Variants in INTS8 observed in about 807,000 individuals in gnomAD.
INTS8 encodes the protein protein kaonashi-1.
In INTS8, 47 loss-of-function variants were observed where a neutral mutation model predicts 138.9. The ratio of observed to expected loss-of-function variants is 0.34; its 90% CI spans 0.27 to 0.43. The LOEUF is 0.43. INTS8 is among the 20% of genes least tolerant of loss of function. INTS8 has a pLI of 1.00. For missense variants in INTS8, 996 were observed against 1,173.0 expected (o/e 0.85, Z 2.20); for synonymous variants, 392 against 400.9 (o/e 0.98, Z 0.27).
chr8:94,846,138 T>C (rs112759713), intron 10 of INTS8, among the ~76,000 whole-genome samples: 2,404 of 152,330 alleles, frequency 0.016, 62 homozygotes, highest in African/African-American at 0.055. Context: ...AATTTAACTT[T>C]CTAATAATTT....
In INTS8 at chr8:94,826,933, G is replaced by A. The variant is rs564001286; in HGVS notation, c.306-330G>A. On this transcript the variant is annotated intron_variant, in intron 2 of 26. Transcript: ENST00000523731. ...ATCCTGGCTAACATGGTGAAACCCCGTCTCTACTAAAAACACAAAAAATTA... is the reference window on the plus strand; with the variant it reads ...ATCCTGGCTAACATGGTGAAACCCCATCTCTACTAAAAACACAAAAAATTA... 3.3e-5 allele frequency among the ~76,000 whole-genome samples: 5 copies of A among 152,058 alleles called. No homozygotes were observed. The East Asian group carries it at 9.7e-4, about 29-fold the overall frequency.
At chr8:94,830,151 C>T (rs1230239623) in intron 5 of INTS8, among the ~76,000 whole-genome samples, 1 of 152,212 alleles carries the variant, frequency 6.6e-6, no homozygotes, top group Admixed American at 6.5e-5. Context: ...CCACCTTGGC[C>T]TTCCAAAGTG....
rs1816509966 is a variant in INTS8, at chr8:94,874,578, T to C, written c.2664T>C (p.Cys888=). ...DQVIKRMIKC[C]SLLNCHTQVA... ...TAATAAAACGAATGATAAAATGTTG[T>C]TCTTTGCTGAATTGCCACACACAGG... The change falls in exon 23 of 27, where the codon TGT becomes TGC. Residue 888 remains cysteine, a synonymous_variant. Coordinates refer to ENST00000523731, the MANE Select transcript of INTS8 (RefSeq NM_017864.4). The C allele has an allele frequency of 6.3e-7, 1 of 1,586,538 alleles. No homozygotes were observed. Among genetic ancestry groups the C allele is most frequent in the Non-Finnish European group, 8.7e-7 (1 of 1,155,588 alleles).
chr8:94,849,785 T>C (rs1336697151), intron 11 of INTS8, 131 bp from the exon 12 acceptor site: 1 of 654,878 alleles, frequency 1.5e-6, no homozygotes, highest in Non-Finnish European at 2.5e-6. Context: ...TTAAAATCTA[T>C]TTTAAAATAT....
intron 14 of INTS8, among the ~76,000 whole-genome samples, chr8:94,855,780 A>C (rs1278219832): frequency 6.6e-6 from 1 of 152,260 alleles, no homozygotes; most frequent in East Asian, 1.9e-4. Flanking sequence ...TTAATGTGGA[A>C]GGCAAGATAG....
At chr8:94,851,406 T>C (rs1815540336) in intron 12 of INTS8, 147 bp from the exon 13 acceptor site, 1 of 436,900 alleles carries the variant, frequency 2.3e-6, no homozygotes, top group Non-Finnish European at 3.8e-6. Flanking sequence ...AGTTAATGTG[T>C]AATTTATACA....
In INTS8 at chr8:94,876,104, A is replaced by G. The variant is rs757369899; in HGVS notation, c.2719A>G (p.Ile907Val). The part of the protein sequence containing the change: ...VAILCQFLRE[I>V]DYKTAFKSLQ... ...CATTTTATGTCAGTTCCTCAGAGAA[A>G]TTGACTACAAAACAGCGTTTAAATC... is the stretch of plus-strand genomic sequence containing the variant. Residue 907 changes from isoleucine to valine, a missense_variant, in exon 24 of 27, where the codon ATT (isoleucine) becomes GTT (valine). Coordinates refer to ENST00000523731, the MANE Select transcript of INTS8 (RefSeq NM_017864.4). 6 of 1,611,096 alleles carry G rather than the reference A, an allele frequency of 3.7e-6. No homozygotes were observed. Among genetic ancestry groups the G allele is most frequent in the Non-Finnish European group, 4.2e-6 (5 of 1,177,532 alleles).
At chr8:94,839,529 A>T (rs1441844083) in intron 8 of INTS8, among the ~76,000 whole-genome samples, 1 of 152,142 alleles carries the variant, frequency 6.6e-6, no homozygotes, top group African/African-American at 2.4e-5. Context: ...TTCACAGAAA[A>T]TAGGTGAAGA....
In INTS8 at chr8:94,823,339, C is replaced by T. The variant is rs1209609367; in HGVS notation, c.-93C>T. 6.6e-6 allele frequency: 10 copies of T among 1,510,750 alleles called. No individual in the cohort carries two copies. The Middle Eastern group carries it at 5.1e-4, about 78-fold the overall frequency. The allele number at this position is 1,510,750 out of a possible 1,614,324, so 93.6% of individuals were successfully genotyped here. The stretch of plus-strand genomic sequence containing the variant: ...GACGTTCGGAGGGTGGCCTCTCTCC[C>T]ACCGGGTTCCGCATACCCCAGGCAC... On this transcript the variant is annotated 5_prime_UTR_variant, in exon 1 of 27. Coordinates refer to ENST00000523731, the MANE Select transcript of INTS8 (RefSeq NM_017864.4).
chr8:94,858,748 C>T (rs1815845097), intron 15 of INTS8, among the ~76,000 whole-genome samples: 1 of 152,180 alleles, frequency 6.6e-6, no homozygotes, highest in Admixed American at 6.5e-5. Flanking sequence ...GTACTCCAGC[C>T]CAGCTTCAAA....
chr8:94,876,205 G>T lies in INTS8; in HGVS notation c.2763-16G>T. 1 of 1,610,096 alleles carries T rather than the reference G, an allele frequency of 6.2e-7. No individual in the cohort carries two copies. The highest frequency in any genetic ancestry group is 1.1e-5 in the South Asian group (1 of 90,828). ...ACATTTTTCTGCTTAAGAAGTAACT[G>T]AATTCTGTCTTTCAGTCATGATGCT... On this transcript the variant is annotated splice_polypyrimidine_tract_variant and intron_variant, in intron 24 of 26. Coordinates refer to ENST00000523731, the MANE Select transcript of INTS8 (RefSeq NM_017864.4).
At chr8:94,824,393 T>A (rs1814402427) in intron 1 of INTS8, among the ~76,000 whole-genome samples, 1 of 152,130 alleles carries the variant, frequency 6.6e-6, no homozygotes, top group Non-Finnish European at 1.5e-5. Flanking sequence ...GCTTTCCGGG[T>A]GCCATGCACT....
chr8:94,836,947 C>T (rs1479975580), intron 7 of INTS8, among the ~76,000 whole-genome samples: 1 of 152,050 alleles, frequency 6.6e-6, no homozygotes, highest in East Asian at 1.9e-4. Flanking sequence ...TGGAAGTACT[C>T]TGATTTACTT....
At chr8:94,857,889 A>G (rs1414349223) in intron 15 of INTS8, among the ~76,000 whole-genome samples, 4 of 152,324 alleles carry the variant, frequency 2.6e-5, no homozygotes, top group East Asian at 3.9e-4. Context: ...CACTAGAGAA[A>G]CTATATTGCA....
chr8:94,856,146 T>G (rs1815737487), intron 14 of INTS8, among the ~76,000 whole-genome samples: 1 of 152,210 alleles, frequency 6.6e-6, no homozygotes, highest in Admixed American at 6.5e-5. Flanking sequence ...TACATAGCAC[T>G]GAGTTGAAGC....
intron 7 of INTS8, among the ~76,000 whole-genome samples, chr8:94,838,044 CTTTT>C (rs776858651): frequency 7.4e-6 from 1 of 134,328 alleles, no homozygotes; most frequent in Non-Finnish European, 1.6e-5. Context: ...TTTTTCTTTT[CTTTT>C]TTTTTTTTTT....
chr8:94,876,357 A>G, intron 25 of INTS8, 72 bp downstream of exon 25: 1 of 1,440,042 alleles, frequency 6.9e-7, no homozygotes, highest in Non-Finnish European at 9.6e-7. Context: ...TTAATATTGT[A>G]TATTTTCCAA....
intron 16 of INTS8, among the ~76,000 whole-genome samples, chr8:94,861,130 C>T (rs925796365): frequency 3.3e-5 from 5 of 150,804 alleles, no homozygotes; most frequent in Non-Finnish European, 7.4e-5. Flanking sequence ...CACTTTGTAA[C>T]ATTTGTGTTT....
chr8:94,835,639 G>A (rs556231582), intron 6 of INTS8, among the ~76,000 whole-genome samples: 3 of 151,054 alleles, frequency 2.0e-5, no homozygotes, highest in African/African-American at 4.9e-5. Flanking sequence ...TCGCCCTGTC[G>A]CCCAGGCTGG....
Sources: allele counts gnomAD v4.1 joint callset (sites outside exome capture counted in the v4.1 genomes callset), GRCh38; gene constraint gnomAD v4.1.1; transcripts MANE v1.5; gene names NCBI Gene and HGNC (gene_info 2026-07-23, HGNC 2026-07-21).